Variants in AIG1 observed in about 807,000 individuals in gnomAD.
AIG1 encodes androgen-induced gene 1 protein.
A neutral mutation model predicts 31.4 loss-of-function variants in AIG1; 23 were observed. That is an observed-to-expected ratio of 0.73 (90% confidence interval 0.53 to 1.04). AIG1 has a LOEUF of 1.04. Ranked by LOEUF, AIG1 falls within the 50% of genes least tolerant of loss-of-function variation. The pLI is 0.00. For synonymous variants in AIG1, 100 were observed against 110.5 expected (o/e 0.90, Z 0.60); for missense variants, 274 against 295.0 (o/e 0.93, Z 0.52).
chr6:143,103,742 C>T (rs1780548295), intron 1 of AIG1, among the ~76,000 whole-genome samples: 1 of 151,798 alleles, frequency 6.6e-6, no homozygotes, highest in Non-Finnish European at 1.5e-5. Context: ...CTCCTGACCT[C>T]GTGATCCGCC....
intron 4 of AIG1, among the ~76,000 whole-genome samples, chr6:143,303,443 T>C (rs931111577): frequency 2.0e-5 from 3 of 151,932 alleles, no homozygotes; most frequent in East Asian, 1.9e-4. Context: ...TTTCTACATA[T>C]GGCTAGCCAG....
intron 3 of AIG1, among the ~76,000 whole-genome samples, chr6:143,178,580 G>A (rs1788412478): frequency 6.6e-6 from 1 of 152,190 alleles, no homozygotes; most frequent in Non-Finnish European, 1.5e-5. Flanking sequence ...TGGGCTCTGA[G>A]CCGATCCTAG....
intron 3 of AIG1, among the ~76,000 whole-genome samples, chr6:143,171,434 A>G (rs866290596): frequency 5.4e-4 from 52 of 97,048 alleles, no homozygotes; most frequent in African/African-American, 2.2e-3. Flanking sequence ...TATATATAAT[A>G]TATATATAAT....
intron 1 of AIG1, among the ~76,000 whole-genome samples, chr6:143,109,575 T>C (rs1041282879): frequency 6.6e-6 from 1 of 152,230 alleles, no homozygotes; most frequent in African/African-American, 2.4e-5. Flanking sequence ...TTAGCTATTC[T>C]ATTGGCTATG....
At chr6:143,085,625 G>T (rs146044331) in intron 1 of AIG1, among the ~76,000 whole-genome samples, 3,546 of 152,302 alleles carry the variant, frequency 0.023, 100 homozygotes, top group African/African-American at 0.061. Flanking sequence ...AGAGGGTGTA[G>T]GTAACCTTTT....
chr6:143,066,207 T>C (rs1338872163), intron 1 of AIG1, among the ~76,000 whole-genome samples: 3 of 152,216 alleles, frequency 2.0e-5, no homozygotes, highest in Admixed American at 6.5e-5. Context: ...CTAAGTTGCA[T>C]TGTTTTTTCA....
At position 143,328,394 on chromosome 6, in the gene AIG1, T is replaced by C. The variant is rs558909640; in HGVS notation, c.516-4888T>C. ...CATATTCATCAGCTATGAAAAACAT[T>C]GGTTTGAAAGAAAGTTAAATACACA... On this transcript the variant is annotated intron_variant, in intron 4 of 5. Coordinates refer to ENST00000357847, the MANE Select transcript of AIG1 (RefSeq NM_016108.4). The surrounding 1 kb of genome is among the most constrained non-coding windows in gnomAD (Gnocchi z 4.0). Among the ~76,000 whole-genome samples, 1 of 152,256 alleles carries C rather than the reference T, an allele frequency of 6.6e-6. No homozygotes were observed. Among genetic ancestry groups the C allele is most frequent in the East Asian group, 1.9e-4 (1 of 5,190 alleles).
chr6:143,120,682 G>A (rs1459737212), intron 1 of AIG1, among the ~76,000 whole-genome samples: 1 of 152,196 alleles, frequency 6.6e-6, no homozygotes, highest in East Asian at 1.9e-4. Context: ...TGAGGTTTGG[G>A]TGGGGACACA....
intron 2 of AIG1, among the ~76,000 whole-genome samples, chr6:143,146,701 G>C (rs1364080406): frequency 6.6e-6 from 1 of 152,110 alleles, no homozygotes; most frequent in African/African-American, 2.4e-5. Flanking sequence ...AACTCCTTTA[G>C]CTGGACCAAA....
intron 2 of AIG1, among the ~76,000 whole-genome samples, chr6:143,138,583 G>A (rs1429251118): frequency 6.6e-6 from 1 of 152,056 alleles, no homozygotes; most frequent in Admixed American, 6.6e-5. Flanking sequence ...TGGCTAGAAG[G>A]ATTACAATAG....
At chr6:143,098,921 G>C (rs375580691) in intron 1 of AIG1, among the ~76,000 whole-genome samples, 2 of 152,166 alleles carry the variant, frequency 1.3e-5, no homozygotes, top group East Asian at 3.8e-4. Context: ...GTCTATCTGG[G>C]TAGCTGCTAT....
intron 4 of AIG1, among the ~76,000 whole-genome samples, chr6:143,323,207 A>G (rs9496586): frequency 0.057 from 8,618 of 152,274 alleles, 633 homozygotes; most frequent in African/African-American, 0.17. Flanking sequence ...TGTGATGCCC[A>G]GTGCAAAATA....
intron 4 of AIG1, among the ~76,000 whole-genome samples, chr6:143,310,760 G>A (rs984789488): frequency 1.1e-4 from 16 of 151,276 alleles, no homozygotes; most frequent in African/African-American, 3.9e-4. Context: ...AATGAAAGAG[G>A]AATCCCACTA....
At chr6:143,098,813 TC>T (rs1583169885) in intron 1 of AIG1, among the ~76,000 whole-genome samples, 1 of 152,218 alleles carries the variant, frequency 6.6e-6, no homozygotes, top group East Asian at 1.9e-4. Context: ...TTTGTTAGCA[TC>T]TTCTGTGCAT....
In AIG1 at chr6:143,331,654, G is replaced by T. The variant is rs1562600099; in HGVS notation, c.516-1628G>T. ...TGTACATCTGTGTGTGTGTATATAT[G>T]TGTGTGTGTATATGTGTGTGTGTGT... On this transcript the variant is annotated intron_variant, in intron 4 of 5. Transcript: ENST00000357847. This position sits in a 1 kb window ranked among gnomAD's most constrained non-coding sequence, Gnocchi z 4.1. Among the ~76,000 whole-genome samples the T allele has an allele frequency of 6.6e-6, 1 of 151,636 alleles. No homozygotes were observed. The highest frequency in any genetic ancestry group is 1.5e-5 in the Non-Finnish European group (1 of 67,944).
chr6:143,074,150 T>A (rs957687242), intron 1 of AIG1, among the ~76,000 whole-genome samples: 1 of 152,250 alleles, frequency 6.6e-6, no homozygotes, highest in Non-Finnish European at 1.5e-5. Flanking sequence ...TAAACCCTTA[T>A]CAAATGTTGG....
chr6:143,200,650 C>G (rs1790625520), intron 3 of AIG1, among the ~76,000 whole-genome samples: 1 of 152,186 alleles, frequency 6.6e-6, no homozygotes, highest in Non-Finnish European at 1.5e-5. Flanking sequence ...TTTTACTCCT[C>G]AGTTCCCTTG....
chr6:143,183,248 T>C (rs1262045531), intron 3 of AIG1, among the ~76,000 whole-genome samples: 1 of 143,836 alleles, frequency 7.0e-6, no homozygotes, highest in African/African-American at 2.6e-5. Flanking sequence ...CAGGCTGGAG[T>C]GCGATGGCGC....
At chr6:143,166,982 A>G (rs1409812015) in intron 3 of AIG1, among the ~76,000 whole-genome samples, 1 of 152,232 alleles carries the variant, frequency 6.6e-6, no homozygotes, top group Non-Finnish European at 1.5e-5. Flanking sequence ...GTTACATTGT[A>G]TAGCTTTTAT....
Sources: allele counts gnomAD v4.1 joint callset (sites outside exome capture counted in the v4.1 genomes callset), GRCh38; gene constraint gnomAD v4.1.1; non-coding constraint Gnocchi (gnomAD v3.1); transcripts MANE v1.5; gene names NCBI Gene and HGNC (gene_info 2026-07-23, HGNC 2026-07-21).